Variants in LRMDA observed in about 807,000 individuals in gnomAD.
LRMDA encodes the protein leucine rich melanocyte differentiation associated, also known as leucine-rich melanocyte differentiation-associated protein.
A neutral mutation model predicts 29.8 loss-of-function variants in LRMDA; 18 were observed. The observed-to-expected ratio is 0.60, with a 90% confidence interval of 0.42 to 0.90. The LOEUF is 0.90. LRMDA is among the 40% of genes least tolerant of loss of function. The pLI, the probability that LRMDA is intolerant of heterozygous loss-of-function variation, is 0.00. For synonymous variants in LRMDA, 125 were observed against 109.4 expected, an observed-to-expected ratio of 1.14 and a Z score of -0.89; for missense variants, 273 against 273.9, an observed-to-expected ratio of 1.00 and a Z score of 0.02.
intron 2 of LRMDA, among the ~76,000 whole-genome samples, chr10:75,812,556 G>A (rs1843983693): frequency 6.6e-6 from 1 of 152,124 alleles, no homozygotes; most frequent in Admixed American, 6.5e-5. Flanking sequence ...TCTGAACGTG[G>A]TGACATGATA....
chr10:75,919,581 G>A (rs192520458), intron 2 of LRMDA, among the ~76,000 whole-genome samples: 2 of 152,210 alleles, frequency 1.3e-5, no homozygotes, highest in Admixed American at 1.3e-4. Flanking sequence ...AGGAGGGAGT[G>A]ATAGTAGGTT....
chr10:75,606,855 T>C (rs1840962632), intron 2 of LRMDA, among the ~76,000 whole-genome samples: 1 of 152,180 alleles, frequency 6.6e-6, no homozygotes, highest in African/African-American at 2.4e-5. Flanking sequence ...TAAACATTTA[T>C]TGTATTAGCA....
chr10:76,173,058 TAAAA>T (rs34848972), intron 5 of LRMDA, among the ~76,000 whole-genome samples: 73 of 150,232 alleles, frequency 4.9e-4, no homozygotes, highest in Non-Finnish European at 1.5e-5. Context: ...GTTAAGAAGA[TAAAA>T]AAAAAGATAA....
At chr10:76,215,657 C>A (rs1851715740) in intron 5 of LRMDA, among the ~76,000 whole-genome samples, 1 of 152,166 alleles carries the variant, frequency 6.6e-6, no homozygotes, top group Non-Finnish European at 1.5e-5. Context: ...TTTTCTTCTA[C>A]ATCTGAAGTT....
intron 5 of LRMDA, among the ~76,000 whole-genome samples, chr10:76,285,464 C>T (rs1840260627): frequency 6.6e-6 from 1 of 151,990 alleles, no homozygotes; most frequent in Non-Finnish European, 1.5e-5. Context: ...AACCCTTTAT[C>T]CTGATAGCAG....
At chr10:76,533,915 C>G (rs1452295507) in intron 6 of LRMDA, among the ~76,000 whole-genome samples, 1 of 152,146 alleles carries the variant, frequency 6.6e-6, no homozygotes, top group Non-Finnish European at 1.5e-5. Flanking sequence ...GGCACAGTGC[C>G]AGGCTCTTAA....
chr10:76,462,709 C>G (rs918623526), intron 6 of LRMDA, among the ~76,000 whole-genome samples: 2 of 152,178 alleles, frequency 1.3e-5, no homozygotes, highest in Non-Finnish European at 1.5e-5. Flanking sequence ...GAGGACCTGT[C>G]TCTTGGCTGC....
intron 6 of LRMDA, among the ~76,000 whole-genome samples, chr10:76,493,771 A>C (rs1471588873): frequency 6.6e-6 from 1 of 152,110 alleles, no homozygotes; most frequent in Non-Finnish European, 1.5e-5. Flanking sequence ...AATGTCTAAA[A>C]AAAATCCTGC....
intron 6 of LRMDA, among the ~76,000 whole-genome samples, chr10:76,381,854 T>C (rs1191581449): frequency 1.3e-5 from 2 of 152,220 alleles, no homozygotes; most frequent in Non-Finnish European, 2.9e-5. Flanking sequence ...GTAGAGATCA[T>C]GGCTTATTCT....
At position 75,756,463 on chromosome 10, in the gene LRMDA, A is replaced by G. The variant is rs930310931; in HGVS notation, c.132-279545A>G. The stretch of plus-strand genomic sequence containing the variant: ...TGATGACCTCCTGGAGATCCCCAAT[A>G]TCAGCCTTGGCCTGCCTGCCTTTAG... On this transcript the variant is annotated intron_variant, in intron 2 of 6. Coordinates refer to ENST00000611255, the MANE Select transcript of LRMDA (RefSeq NM_001305581.2). 2.0e-5 allele frequency among the ~76,000 whole-genome samples: 3 copies of G among 152,334 alleles called. No homozygotes were observed. In the East Asian group the frequency reaches 5.8e-4, roughly 29 times the overall value.
At chr10:76,458,557 T>C (rs1842481140) in intron 6 of LRMDA, among the ~76,000 whole-genome samples, 1 of 152,164 alleles carries the variant, frequency 6.6e-6, no homozygotes, top group Non-Finnish European at 1.5e-5. Context: ...GAATGGGATA[T>C]GGGGAAGCTT....
At chr10:76,050,234 T>C (rs892338622) in intron 4 of LRMDA, among the ~76,000 whole-genome samples, 3 of 152,176 alleles carry the variant, frequency 2.0e-5, no homozygotes, top group African/African-American at 7.2e-5. Context: ...TGACTCGATT[T>C]ATGTAGTTAT....
chr10:76,387,544 A>C (rs1841673452), intron 6 of LRMDA, among the ~76,000 whole-genome samples: 1 of 152,040 alleles, frequency 6.6e-6, no homozygotes, highest in Admixed American at 6.6e-5. Flanking sequence ...TAGAAGCTGC[A>C]GCGAGGTATG....
chr10:75,669,401 C>T (rs1841864441), intron 2 of LRMDA, among the ~76,000 whole-genome samples: 2 of 152,142 alleles, frequency 1.3e-5, no homozygotes, highest in South Asian at 4.2e-4. Flanking sequence ...CTGTTGTAGG[C>T]TGAGGTTCTA....
chr10:75,881,885 C>A (rs187341333), intron 2 of LRMDA, among the ~76,000 whole-genome samples: 1 of 152,248 alleles, frequency 6.6e-6, no homozygotes, highest in African/African-American at 2.4e-5. Flanking sequence ...AGAACCTAGA[C>A]AACTTGCAGT....
intron 2 of LRMDA, among the ~76,000 whole-genome samples, chr10:75,631,409 C>T (rs183000199): frequency 3.3e-5 from 5 of 151,984 alleles, no homozygotes; most frequent in Admixed American, 2.6e-4. Flanking sequence ...CTGCACCCCC[C>T]CCGCCCCGCC....
intron 2 of LRMDA, among the ~76,000 whole-genome samples, chr10:75,471,073 AGAG>A (rs1042301191): frequency 2.6e-5 from 4 of 152,098 alleles, no homozygotes; most frequent in Admixed American, 6.5e-5. Flanking sequence ...CAGATTCCAG[AGAG>A]GAGAAGGAAT....
intron 5 of LRMDA, among the ~76,000 whole-genome samples, chr10:76,158,720 A>G (rs1850588825): frequency 6.6e-6 from 1 of 152,298 alleles, no homozygotes; most frequent in East Asian, 1.9e-4. Flanking sequence ...CTTATCTCAT[A>G]CTGGTAGATG....
chr10:75,653,507 G>A (rs1475265046), intron 2 of LRMDA, among the ~76,000 whole-genome samples: 1 of 152,188 alleles, frequency 6.6e-6, no homozygotes, highest in African/African-American at 2.4e-5. Context: ...AAGCAGTGGG[G>A]AGTGAGAGAG....
Sources: gnomAD v4.1 joint callset for allele counts (sites outside exome capture counted in the v4.1 genomes callset) on GRCh38, gnomAD v4.1.1 for gene constraint, MANE v1.5 for transcripts, NCBI Gene and HGNC (gene_info 2026-07-23, HGNC 2026-07-21) for gene names.